Variants in CDH18 observed in about 807,000 individuals in gnomAD.
CDH18 encodes cadherin-18.
CDH18 carries 31 observed loss-of-function variants against 67.9 expected under a neutral mutation model. The observed-to-expected ratio is 0.46, with a 90% CI of 0.34 to 0.62. CDH18 has a LOEUF of 0.62. Among genes scored for constraint, CDH18 ranks in the 20% least tolerant of loss-of-function variants. The pLI is 0.01. For missense variants in CDH18, 890 were observed against 975.5 expected (o/e 0.91, Z 1.17); for synonymous variants, 362 against 347.2 (o/e 1.04, Z -0.48).
chr5:20,230,599 C>T (rs955564392), intron 2 of CDH18, among the ~76,000 whole-genome samples: 2 of 152,042 alleles, frequency 1.3e-5, no homozygotes, highest in African/African-American at 2.4e-5. Flanking sequence ...AATTTTCTTA[C>T]CCATCACATA....
At chr5:20,410,409 T>A (rs563169565) in intron 1 of CDH18, among the ~76,000 whole-genome samples, 1 of 151,814 alleles carries the variant, frequency 6.6e-6, no homozygotes, top group African/African-American at 2.4e-5. Flanking sequence ...TAGATGCAAA[T>A]AAGCATTTGA....
intron 1 of CDH18, among the ~76,000 whole-genome samples, chr5:20,487,191 C>G (rs542826822): frequency 6.6e-6 from 1 of 152,232 alleles, no homozygotes; most frequent in African/African-American, 2.4e-5. Context: ...CACCTCTAAC[C>G]CTTCCAGTGA....
At chr5:20,067,242 G>A (rs1156787508) in intron 2 of CDH18, among the ~76,000 whole-genome samples, 1 of 151,482 alleles carries the variant, frequency 6.6e-6, no homozygotes, top group Non-Finnish European at 1.5e-5. Flanking sequence ...TGGATTCTGA[G>A]AGCAGACTGT....
chr5:20,447,251 G>C (rs1479357843), intron 1 of CDH18, among the ~76,000 whole-genome samples: 2 of 150,768 alleles, frequency 1.3e-5, no homozygotes, highest in African/African-American at 2.4e-5. Flanking sequence ...CATTATTATG[G>C]TTGTTTCCCC....
chr5:20,183,023 T>A (rs1054470223), intron 2 of CDH18, among the ~76,000 whole-genome samples: 2 of 152,054 alleles, frequency 1.3e-5, no homozygotes, highest in African/African-American at 4.8e-5. Context: ...ATATTAGTTC[T>A]CCCTCTGGGT....
intron 1 of CDH18, among the ~76,000 whole-genome samples, chr5:20,376,782 C>T (rs1179844286): frequency 6.6e-6 from 1 of 151,506 alleles, no homozygotes; most frequent in Non-Finnish European, 1.5e-5. Flanking sequence ...TTTGGGAGGC[C>T]GAGGCGGGAG....
chr5:20,322,365 A>G (rs1456057421), intron 1 of CDH18, among the ~76,000 whole-genome samples: 1 of 152,148 alleles, frequency 6.6e-6, no homozygotes, highest in Non-Finnish European at 1.5e-5. Context: ...ATCCCAGAAA[A>G]TAGACATAAA....
intron 2 of CDH18, among the ~76,000 whole-genome samples, chr5:19,879,338 C>T (rs922894311): frequency 1.3e-5 from 2 of 151,766 alleles, no homozygotes; most frequent in Non-Finnish European, 1.5e-5. Flanking sequence ...TTTCTTAGCT[C>T]TAGTATGGGG....
intron 2 of CDH18, among the ~76,000 whole-genome samples, chr5:20,179,514 G>A (rs1340008867): frequency 6.6e-6 from 1 of 152,132 alleles, no homozygotes; most frequent in Non-Finnish European, 1.5e-5. Context: ...TGACTAAATT[G>A]TGTACTACTG....
intron 2 of CDH18, among the ~76,000 whole-genome samples, chr5:20,249,999 T>C (rs1033149382): frequency 6.6e-6 from 1 of 152,124 alleles, no homozygotes; most frequent in African/African-American, 2.4e-5. Flanking sequence ...AGAAAAAAAT[T>C]TCCTTTTTCA....
At chr5:20,241,202 T>C (rs570635464) in intron 2 of CDH18, among the ~76,000 whole-genome samples, 16 of 152,288 alleles carry the variant, frequency 1.1e-4, no homozygotes, top group African/African-American at 3.4e-4. Flanking sequence ...CTTGTAAAAG[T>C]GTCAAAACAA....
chr5:19,524,287 T>C (rs1019277420), intron 9 of CDH18, among the ~76,000 whole-genome samples: 2 of 149,776 alleles, frequency 1.3e-5, no homozygotes, highest in African/African-American at 4.9e-5. Flanking sequence ...AAAGATAATA[T>C]GATGCTTGTA....
intron 2 of CDH18, among the ~76,000 whole-genome samples, chr5:19,871,658 T>A (rs1457504856): frequency 6.6e-6 from 1 of 152,162 alleles, no homozygotes; most frequent in East Asian, 1.9e-4. Flanking sequence ...ATACTGTAAA[T>A]TAGAGACCAG....
chr5:19,634,980 G>A (rs1254041550), intron 5 of CDH18, among the ~76,000 whole-genome samples: 1 of 151,656 alleles, frequency 6.6e-6, no homozygotes, highest in Non-Finnish European at 1.5e-5. Context: ...GTATTTGGTG[G>A]GTGCTCATAA....
intron 2 of CDH18, among the ~76,000 whole-genome samples, chr5:20,230,095 G>A (rs921393132): frequency 1.3e-5 from 2 of 151,982 alleles, no homozygotes; most frequent in African/African-American, 4.8e-5. Flanking sequence ...AAACTCATTC[G>A]ACACTATAGT....
intron 3 of CDH18, among the ~76,000 whole-genome samples, chr5:19,793,079 C>A (rs985453534): frequency 1.3e-5 from 2 of 152,100 alleles, no homozygotes; most frequent in African/African-American, 4.8e-5. Flanking sequence ...AGAGCTAATA[C>A]TCCTCCTCCT....
intron 5 of CDH18, among the ~76,000 whole-genome samples, chr5:19,614,878 C>T (rs1025091645): frequency 2.0e-5 from 3 of 151,980 alleles, no homozygotes; most frequent in African/African-American, 2.4e-5. Context: ...CTGGGCGCGG[C>T]GGCTCAGGCC....
intron 5 of CDH18, among the ~76,000 whole-genome samples, chr5:19,679,420 T>G (rs1759953055): frequency 6.6e-6 from 1 of 151,998 alleles, no homozygotes; most frequent in Non-Finnish European, 1.5e-5. Flanking sequence ...CTCTTGCCAC[T>G]CCTATTCAAC....
chr5:20,467,998 T>TATTTATA (rs1751771701), intron 1 of CDH18, among the ~76,000 whole-genome samples: 1 of 118,158 alleles, frequency 8.5e-6, no homozygotes, highest in East Asian at 2.5e-4. Flanking sequence ...ATTTATGTAT[T>TATTTATA]TATTTATGTA....
Sources: gnomAD v4.1 joint callset for allele counts (sites outside exome capture counted in the v4.1 genomes callset) on GRCh38, gnomAD v4.1.1 for gene constraint, MANE v1.5 for transcripts, NCBI Gene and HGNC (gene_info 2026-07-23, HGNC 2026-07-21) for gene names.